The following MYO6 variants were observed in gnomAD, a reference collection of about 807,000 sequenced individuals.
MYO6 encodes the protein unconventional myosin-VI.
Under a neutral mutation model 178.7 loss-of-function variants are expected in MYO6, and 74 were observed. That is an observed-to-expected ratio of 0.41 (90% CI 0.34 to 0.50). The LOEUF (loss-of-function observed/expected upper bound fraction) is 0.50, where lower values mean the gene tolerates loss of function less well. MYO6 is among the 20% of genes least tolerant of loss of function. The pLI, the probability that MYO6 is intolerant of heterozygous loss-of-function variation, is 0.09. For synonymous variants in MYO6, 477 were observed against 504.6 expected (o/e 0.95, Z 0.73); for missense variants, 1,330 against 1,547.4 (o/e 0.86, Z 2.36).
In MYO6 at chr6:75,824,853, G is replaced by A. The variant is rs948651387; in HGVS notation, c.187+2002G>A. On this transcript the variant is annotated intron_variant, in intron 3 of 34. Coordinates refer to ENST00000369977, the MANE Select transcript of MYO6 (RefSeq NM_004999.4). ...CAGCTCACTGCAACCTTCGCCTCCC[G>A]GGTTCCAGCAATTCTTCTGCTTCAG... Among the ~76,000 whole-genome samples, 8 of 150,632 alleles carry A rather than the reference G, an allele frequency of 5.3e-5. No homozygotes were observed. The East Asian group carries it at 1.4e-3, about 26-fold the overall frequency.
At chr6:75,881,961 GTTCT>G (rs2149348204) in intron 23 of MYO6, 143 bp downstream of exon 23, 1 of 922,388 alleles carries the variant, frequency 1.1e-6, no homozygotes, top group East Asian at 2.5e-5. Context: ...ATTTGTAGAT[GTTCT>G]TTCTTTTTTT....
At chr6:75,891,420 C>T in intron 27 of MYO6, 114 bp downstream of exon 27, 3 of 656,716 alleles carry the variant, frequency 4.6e-6, no homozygotes, top group Non-Finnish European at 8.0e-6. Flanking sequence ...ATCACGAGGT[C>T]AGGAGATCAA....
chr6:75,904,577 A>G (rs1191556019), intron 30 of MYO6, among the ~76,000 whole-genome samples: 13 of 152,150 alleles, frequency 8.5e-5, no homozygotes, highest in South Asian at 2.1e-4. Context: ...TTTCAGCTCT[A>G]TCAGCTCCTT....
chr6:75,756,753 A>G (rs1777392609), intron 1 of MYO6, among the ~76,000 whole-genome samples: 1 of 151,858 alleles, frequency 6.6e-6, no homozygotes, highest in African/African-American at 2.4e-5. Flanking sequence ...TATGACCTTC[A>G]TTTTACAGAT....
chr6:75,791,677 A>G (rs1290547548), intron 1 of MYO6, among the ~76,000 whole-genome samples: 1 of 152,206 alleles, frequency 6.6e-6, no homozygotes, highest in African/African-American at 2.4e-5. Context: ...TTTATGTCAT[A>G]AGGATGTGTT....
At chr6:75,797,031 T>C (rs1193888219) in intron 1 of MYO6, among the ~76,000 whole-genome samples, 1 of 152,200 alleles carries the variant, frequency 6.6e-6, no homozygotes, top group Non-Finnish European at 1.5e-5. Context: ...TGAATAGTGC[T>C]GTGATGAACA....
intron 1 of MYO6, among the ~76,000 whole-genome samples, chr6:75,794,655 A>G (rs1464790905): frequency 6.6e-6 from 1 of 151,762 alleles, no homozygotes; most frequent in Non-Finnish European, 1.5e-5. Flanking sequence ...GCCCCAGAAT[A>G]ATAGCTGGCA....
intron 25 of MYO6, among the ~76,000 whole-genome samples, chr6:75,889,347 A>G (rs1237887739): frequency 6.6e-6 from 1 of 152,222 alleles, no homozygotes; most frequent in Non-Finnish European, 1.5e-5. Context: ...TTCTCTAGGT[A>G]CTATTTGAAC....
intron 26 of MYO6, 47 bp from the exon 27 acceptor site, chr6:75,891,181 T>A: frequency 7.6e-7 from 1 of 1,312,964 alleles, no homozygotes; most frequent in African/African-American, 1.5e-5. Context: ...TCTGAAGGAT[T>A]CTTTATTTTC....
At chr6:75,862,756 G>T in intron 16 of MYO6, 33 bp downstream of exon 16, 1 of 1,609,976 alleles carries the variant, frequency 6.2e-7, no homozygotes, top group Non-Finnish European at 8.5e-7. Flanking sequence ...TGAGACTATG[G>T]TGGGACGAGA....
chr6:75,907,784 G>GTGTGTGTGTGTT, intron 31 of MYO6, 76 bp downstream of exon 31: 1 of 1,072,036 alleles, frequency 9.3e-7, no homozygotes, highest in Non-Finnish European at 1.4e-6. Flanking sequence ...AGGGTGAGGT[G>GTGTGTGTGTGTT]TGTGTGTGTA....
At chr6:75,861,414 C>T (rs1434170677) in intron 15 of MYO6, among the ~76,000 whole-genome samples, 1 of 152,142 alleles carries the variant, frequency 6.6e-6, no homozygotes, top group Non-Finnish European at 1.5e-5. Context: ...TGAGGAAGTC[C>T]ATAGTTAGGC....
chr6:75,788,768 A>T (rs2150078208), intron 1 of MYO6, among the ~76,000 whole-genome samples: 1 of 152,248 alleles, frequency 6.6e-6, no homozygotes, highest in East Asian at 1.9e-4. Flanking sequence ...AAGCCATTTG[A>T]GCTAAAGCGT....
In MYO6 at chr6:75,848,299, G is replaced by A. The variant is rs1056826026; in HGVS notation, c.898-52G>A. On this transcript the variant is annotated intron_variant, in intron 10 of 34. Coordinates refer to ENST00000369977, the MANE Select transcript of MYO6 (RefSeq NM_004999.4). ...TAATTGACCTGGTGTAGTAGTTTTA[G>A]TGTACTTAAATAATGTAACGATCAG... 5 of 1,518,324 alleles carry A rather than the reference G, an allele frequency of 3.3e-6. No individual in the cohort carries two copies. The South Asian group carries it at 4.5e-5, about 14-fold the overall frequency. The allele number at this position is 1,518,324 out of a possible 1,614,324, so 94.1% of individuals were successfully genotyped here.
At chr6:75,790,661 A>G (rs11964201) in intron 1 of MYO6, among the ~76,000 whole-genome samples, 4,916 of 152,210 alleles carry the variant, frequency 0.032, 163 homozygotes, top group East Asian at 0.15. Context: ...TTACAGGCGT[A>G]AGCCACTTGC....
At chr6:75,891,706 G>T (rs1778918952) in intron 27 of MYO6, among the ~76,000 whole-genome samples, 1 of 152,130 alleles carries the variant, frequency 6.6e-6, no homozygotes, top group South Asian at 2.1e-4. Flanking sequence ...ATCTTGATTT[G>T]CTAGATAAGC....
rs1467462 is a variant in MYO6, at chr6:75,785,084, A to G, written c.-47-32417A>G. On this transcript the variant is annotated intron_variant, in intron 1 of 34. Coordinates refer to ENST00000369977, the MANE Select transcript of MYO6 (RefSeq NM_004999.4). ...TTTCATCTAGTCATTTATTCAAGGGATATTTTATTGAGCATCAACTGTATG... is the reference window on the plus strand; with the variant it reads ...TTTCATCTAGTCATTTATTCAAGGGGTATTTTATTGAGCATCAACTGTATG... 7.9e-3 allele frequency among the ~76,000 whole-genome samples: 1,207 copies of G among 152,284 alleles called. 16 individuals carry two copies. Among genetic ancestry groups the G allele is most frequent in the Middle Eastern group, 0.027 (8 of 294 alleles).
At chr6:75,897,484 AG>A (rs1334821784) in intron 29 of MYO6, among the ~76,000 whole-genome samples, 2 of 152,192 alleles carry the variant, frequency 1.3e-5, no homozygotes, top group East Asian at 3.8e-4. Context: ...ACGAGAAAAG[AG>A]GAATACAGGA....
intron 7 of MYO6, among the ~76,000 whole-genome samples, chr6:75,836,473 C>A (rs1773655603): frequency 6.6e-6 from 1 of 152,192 alleles, no homozygotes; most frequent in Non-Finnish European, 1.5e-5. Flanking sequence ...GAATCTCCTG[C>A]ATGATGCCCT....
Sources: allele counts gnomAD v4.1 joint callset (sites outside exome capture counted in the v4.1 genomes callset), GRCh38; gene constraint gnomAD v4.1.1; transcripts MANE v1.5; gene names NCBI Gene and HGNC (gene_info 2026-07-23, HGNC 2026-07-21).